Variants in CCNY observed in about 807,000 individuals in gnomAD.
The protein encoded by CCNY is cyclin Y, also known as cyclin-Y.
A neutral mutation model predicts 42.8 loss-of-function variants in CCNY; 19 were observed. That is an observed-to-expected ratio of 0.44 (90% CI 0.31 to 0.65). The LOEUF (loss-of-function observed/expected upper bound fraction) is 0.65, where lower values mean the gene tolerates loss of function less well. Among genes scored for constraint, CCNY ranks in the 30% least tolerant of loss-of-function variants. The probability of loss-of-function intolerance (pLI) is 0.07; values close to 1 mark genes in which losing one functional copy is unlikely to be tolerated. For synonymous variants in CCNY, 165 were observed against 162.7 expected (o/e 1.01, Z -0.11); for missense variants, 370 against 437.3 (o/e 0.85, Z 1.37).
At chr10:35,486,365 A>T (rs1418249945) in intron 2 of CCNY, among the ~76,000 whole-genome samples, 1 of 152,242 alleles carries the variant, frequency 6.6e-6, no homozygotes, top group Non-Finnish European at 1.5e-5. Flanking sequence ...ATTTACTAGT[A>T]CACCATTGCA....
At chr10:35,397,828 C>T (rs893293097) in intron 1 of CCNY, among the ~76,000 whole-genome samples, 2 of 152,194 alleles carry the variant, frequency 1.3e-5, no homozygotes. Context: ...GCTGTCCTTC[C>T]AGTTTCTCAT....
intron 1 of CCNY, among the ~76,000 whole-genome samples, chr10:35,473,987 G>A (rs1304819931): frequency 6.6e-6 from 1 of 152,244 alleles, no homozygotes; most frequent in Non-Finnish European, 1.5e-5. Context: ...CACTCGGGAA[G>A]CGCAAGGGGT....
chr10:35,362,830 G>A (rs574687671), intron 1 of CCNY, among the ~76,000 whole-genome samples: 5 of 151,226 alleles, frequency 3.3e-5, no homozygotes, highest in East Asian at 3.9e-4. Context: ...TTGGCGGGGG[G>A]GCCAGGCAGA....
At chr10:35,423,645 T>C (rs886814117) in intron 1 of CCNY, among the ~76,000 whole-genome samples, 13 of 152,076 alleles carry the variant, frequency 8.5e-5, no homozygotes, top group African/African-American at 3.1e-4. Context: ...CTCAGTTTGG[T>C]TTCAGTAACT....
At chr10:35,408,533 A>C (rs966778886) in intron 1 of CCNY, among the ~76,000 whole-genome samples, 1 of 147,006 alleles carries the variant, frequency 6.8e-6, no homozygotes, top group African/African-American at 2.5e-5. Flanking sequence ...AACCTTCTTA[A>C]GGGTGGGGGA....
chr10:35,539,019 C>G (rs1368689381), intron 7 of CCNY, among the ~76,000 whole-genome samples: 1 of 152,190 alleles, frequency 6.6e-6, no homozygotes, highest in Non-Finnish European at 1.5e-5. Context: ...GTGCCTTTAT[C>G]CTTTCCCCAT....
intron 5 of CCNY, among the ~76,000 whole-genome samples, chr10:35,527,568 T>G (rs924909253): frequency 6.6e-6 from 1 of 152,240 alleles, no homozygotes; most frequent in Non-Finnish European, 1.5e-5. Flanking sequence ...ACAGAGAGAT[T>G]AATTTGACTA....
At chr10:35,260,133 C>T (rs760249381) in intron 3 of CCNY, among the ~76,000 whole-genome samples, 2 of 152,160 alleles carry the variant, frequency 1.3e-5, no homozygotes, top group Non-Finnish European at 2.9e-5. Flanking sequence ...TCTCTTTTCT[C>T]TCTTTTCTCC....
intron 1 of CCNY, among the ~76,000 whole-genome samples, chr10:35,337,862 G>A (rs1836084847): frequency 6.6e-6 from 1 of 152,082 alleles, no homozygotes; most frequent in Non-Finnish European, 1.5e-5. Flanking sequence ...GGCCCGAATT[G>A]CAGTCCTATG....
At chr10:35,467,250 G>A (rs2135339568) in intron 1 of CCNY, among the ~76,000 whole-genome samples, 1 of 152,284 alleles carries the variant, frequency 6.6e-6, no homozygotes, top group South Asian at 2.1e-4. Flanking sequence ...ATTTAATGAT[G>A]TTTTGTTTGT....
intron 5 of CCNY, 90 bp downstream of exon 5, chr10:35,526,089 G>T: frequency 8.9e-7 from 1 of 1,118,276 alleles, no homozygotes; most frequent in Non-Finnish European, 1.3e-6. Context: ...TTAAACCTTT[G>T]AATTATACTT....
At chr10:35,487,817 A>G (rs1839817727) in intron 2 of CCNY, among the ~76,000 whole-genome samples, 1 of 152,188 alleles carries the variant, frequency 6.6e-6, no homozygotes, top group Non-Finnish European at 1.5e-5. Flanking sequence ...GAAGGGACCA[A>G]GAGTTCCTCA....
intron 1 of CCNY, among the ~76,000 whole-genome samples, chr10:35,354,866 TCTC>T (rs34897676): frequency 0.29 from 43,684 of 151,926 alleles, 6,535 homozygotes; most frequent in Admixed American, 0.35. Flanking sequence ...AATAGTAAAT[TCTC>T]CTATCTTTCT....
At chr10:35,381,181 T>C (rs1450061546) in intron 1 of CCNY, among the ~76,000 whole-genome samples, 2 of 152,214 alleles carry the variant, frequency 1.3e-5, no homozygotes, top group Admixed American at 6.5e-5. Context: ...AAATCTTTTG[T>C]TGGTGTTCTA....
intron 1 of CCNY, among the ~76,000 whole-genome samples, chr10:35,414,366 GCT>G (rs1837979447): frequency 6.6e-6 from 1 of 152,218 alleles, no homozygotes; most frequent in African/African-American, 2.4e-5. Flanking sequence ...TTCCTTGCTG[GCT>G]GCTGGCTGGA....
intron 3 of CCNY, among the ~76,000 whole-genome samples, chr10:35,323,466 C>T (rs146789751): frequency 6.6e-6 from 1 of 152,154 alleles, no homozygotes; most frequent in South Asian, 2.1e-4. Flanking sequence ...CAGAAATGAA[C>T]CACTCATTCA....
intron 1 of CCNY, among the ~76,000 whole-genome samples, chr10:35,444,249 C>CTTTTT (rs1323493317): frequency 7.3e-6 from 1 of 136,584 alleles, no homozygotes; most frequent in Non-Finnish European, 1.6e-5. Context: ...TGTTTTTTGG[C>CTTTTT]TTTTTTTTTT....
chr10:35,479,637 T>C (rs1839616283), intron 1 of CCNY, among the ~76,000 whole-genome samples: 1 of 145,828 alleles, frequency 6.9e-6, no homozygotes, highest in African/African-American at 2.5e-5. Flanking sequence ...AGGGATAGCA[T>C]TGGGAGATAT....
chr10:35,345,088 C>T (rs976914113), intron 1 of CCNY, among the ~76,000 whole-genome samples: 5 of 152,150 alleles, frequency 3.3e-5, no homozygotes, highest in Non-Finnish European at 5.9e-5. Flanking sequence ...TGGGTATATA[C>T]CCAGTAATGG....
Sources: allele counts gnomAD v4.1 joint callset (sites outside exome capture counted in the v4.1 genomes callset), GRCh38; gene constraint gnomAD v4.1.1; transcripts MANE v1.5; gene names NCBI Gene and HGNC (gene_info 2026-07-23, HGNC 2026-07-21).